The following DPH6 variants were observed in gnomAD, a reference collection of about 807,000 sequenced individuals.
The protein encoded by DPH6 is diphthine--ammonia ligase.
A neutral mutation model predicts 38.2 loss-of-function variants in DPH6; 33 were observed. The observed-to-expected ratio is 0.86, with a 90% confidence interval of 0.65 to 1.15. The LOEUF (loss-of-function observed/expected upper bound fraction) is 1.15, where lower values mean the gene tolerates loss of function less well. Among genes scored for constraint, DPH6 ranks in the 50% most tolerant of loss-of-function variants. DPH6 has a pLI of 0.00. For synonymous variants in DPH6, 108 were observed against 103.0 expected (o/e 1.05, Z -0.30); for missense variants, 325 against 320.0 (o/e 1.02, Z -0.12).
At chr15:35,321,822 C>G (rs1324938000) in intron 3 of DPH6, among the ~76,000 whole-genome samples, 2 of 152,134 alleles carry the variant, frequency 1.3e-5, no homozygotes, top group East Asian at 3.9e-4. Flanking sequence ...AACCACTTCA[C>G]AGACAAAATT....
downstream of DPH6, among the ~76,000 whole-genome samples, chr15:35,366,315 C>T (rs2052659548): frequency 6.6e-6 from 1 of 150,588 alleles, no homozygotes; most frequent in Non-Finnish European, 1.5e-5. Flanking sequence ...ACTATAGGAT[C>T]AACTAGATTT....
intron 4 of DPH6, among the ~76,000 whole-genome samples, chr15:35,451,142 G>A (rs983917579): frequency 6.6e-6 from 1 of 152,042 alleles, no homozygotes; most frequent in African/African-American, 2.4e-5. Context: ...TGAAGCATAT[G>A]TAAAGTGGGC....
chr15:35,443,683 G>C (rs2053816403), intron 5 of DPH6, among the ~76,000 whole-genome samples: 1 of 152,154 alleles, frequency 6.6e-6, no homozygotes, highest in African/African-American at 2.4e-5. Context: ...GATACCTCTA[G>C]AAAGGTAAGT....
At chr15:35,299,059 T>C (rs2052035540) in intron 3 of DPH6, 1 of 735,370 alleles carries the variant, frequency 1.4e-6, no homozygotes, top group South Asian at 1.6e-5. Flanking sequence ...CTTTCTTCTA[T>C]TTCTTCTGTC....
At chr15:35,261,341 AG>A (rs2051744981) in intron 3 of DPH6, among the ~76,000 whole-genome samples, 1 of 152,186 alleles carries the variant, frequency 6.6e-6, no homozygotes, top group Non-Finnish European at 1.5e-5. Context: ...GTTAGCATTA[AG>A]GGTTTTTGTT....
At chr15:35,294,485 G>C (rs980559072) in intron 3 of DPH6, among the ~76,000 whole-genome samples, 3 of 152,176 alleles carry the variant, frequency 2.0e-5, no homozygotes, top group Admixed American at 1.3e-4. Flanking sequence ...ACTACTAGTT[G>C]CAACAAGAAA....
chr15:35,388,490 A>C (rs1241330375), intron 6 of DPH6, among the ~76,000 whole-genome samples: 1 of 152,112 alleles, frequency 6.6e-6, no homozygotes, highest in East Asian at 1.9e-4. Flanking sequence ...TTTTATTGGT[A>C]AGCTATTAAT....
intron 3 of DPH6, among the ~76,000 whole-genome samples, chr15:35,276,519 C>G (rs576531041): frequency 6.6e-6 from 1 of 152,288 alleles, no homozygotes; most frequent in Admixed American, 6.5e-5. Flanking sequence ...AAGCCAATGT[C>G]TAGAAGGGTT....
chr15:35,405,510 T>G (rs149318089), intron 6 of DPH6, among the ~76,000 whole-genome samples: 15 of 152,254 alleles, frequency 9.9e-5, no homozygotes, highest in African/African-American at 3.1e-4. Context: ...GATTGTTCAC[T>G]GTTGGCATAT....
chr15:35,479,349 C>T (rs1413383710), intron 3 of DPH6, among the ~76,000 whole-genome samples: 1 of 151,966 alleles, frequency 6.6e-6, no homozygotes, highest in Non-Finnish European at 1.5e-5. Flanking sequence ...TTTTGATTCT[C>T]GACACATTGA....
intron 6 of DPH6, among the ~76,000 whole-genome samples, chr15:35,388,979 A>G (rs2053013326): frequency 6.6e-6 from 1 of 151,974 alleles, no homozygotes; most frequent in Admixed American, 6.6e-5. Flanking sequence ...GCGGGCATTT[A>G]GTGCTATAAA....
intron 3 of DPH6, among the ~76,000 whole-genome samples, chr15:35,280,414 T>A (rs993786405): frequency 1.3e-5 from 2 of 152,154 alleles, no homozygotes; most frequent in African/African-American, 4.8e-5. Context: ...ATGACTGGGA[T>A]GAAAGTATCA....
intron 3 of DPH6, among the ~76,000 whole-genome samples, chr15:35,507,694 A>C (rs1197566705): frequency 3.9e-5 from 6 of 152,120 alleles, no homozygotes; most frequent in Admixed American, 3.9e-4. Context: ...CTCGCTATCC[A>C]GTGTGATTTA....
At chr15:35,198,374 T>C in the DPH6 span, among the ~76,000 whole-genome samples, 3 of 152,180 alleles carry the variant, frequency 2.0e-5, no homozygotes, top group Admixed American at 6.5e-5. Context: ...GAACTATCTA[T>C]ATGCATGAAG....
At chr15:35,351,981 A>G (rs9806162) in intron 3 of DPH6, among the ~76,000 whole-genome samples, 4,597 of 152,132 alleles carry the variant, frequency 0.03, 238 homozygotes, top group African/African-American at 0.11. Flanking sequence ...CGGCCTCCCA[A>G]AGTGCTGGCA....
chr15:35,364,075 GATATTCTATCTGGA>G (rs2052636390), intron 3 of DPH6, among the ~76,000 whole-genome samples: 1 of 151,654 alleles, frequency 6.6e-6, no homozygotes, highest in Non-Finnish European at 1.5e-5. Context: ...CTGCATCTCT[GATATTCTATCTGGA>G]ATAATTTCCT....
chr15:35,507,454 C>T (rs1250947661), intron 3 of DPH6, among the ~76,000 whole-genome samples: 5 of 151,958 alleles, frequency 3.3e-5, no homozygotes, highest in Non-Finnish European at 1.5e-5. Flanking sequence ...TTCTAGTTGA[C>T]TGTTGAAACC....
chr15:35,303,204 A>C (rs948898775), intron 3 of DPH6, among the ~76,000 whole-genome samples: 1 of 152,110 alleles, frequency 6.6e-6, no homozygotes, highest in Non-Finnish European at 1.5e-5. Flanking sequence ...CAGAAATATT[A>C]GTTCCATTCC....
At chr15:35,434,678 C>G (rs2053674217) in intron 5 of DPH6, among the ~76,000 whole-genome samples, 1 of 152,094 alleles carries the variant, frequency 6.6e-6, no homozygotes, top group Non-Finnish European at 1.5e-5. Context: ...TTGCAGTGGT[C>G]CTATCATTAA....
Sources: allele counts gnomAD v4.1 joint callset (sites outside exome capture counted in the v4.1 genomes callset), GRCh38; gene constraint gnomAD v4.1.1; transcripts MANE v1.5; gene names NCBI Gene and HGNC (gene_info 2026-07-23, HGNC 2026-07-21).